The following GNG7 variants were observed in gnomAD, a reference collection of about 807,000 sequenced individuals.
GNG7 encodes the protein guanine nucleotide-binding protein G(I)/G(S)/G(O) subunit gamma-7.
A neutral mutation model predicts 4.0 loss-of-function variants in GNG7; 1 was observed. The ratio of observed to expected loss-of-function variants is 0.25; its 90% confidence interval spans 0.09 to 1.18. The LOEUF is 1.18. Ranked by LOEUF, GNG7 falls within the 50% of genes most tolerant of loss-of-function variation. The pLI, the probability that GNG7 is intolerant of heterozygous loss-of-function variation, is 0.50. For missense variants in GNG7, 86 were observed against 91.9 expected, an observed-to-expected ratio of 0.94 and a Z score of 0.26; for synonymous variants, 34 against 36.9, an observed-to-expected ratio of 0.92 and a Z score of 0.29.
At chr19:2,578,049 G>T (rs113911382) in intron 2 of GNG7, among the ~76,000 whole-genome samples, 13 of 151,910 alleles carry the variant, frequency 8.6e-5, no homozygotes, top group African/African-American at 3.1e-4. Flanking sequence ...TGTTGCCCAG[G>T]CTGGTCTTGA....
intron 2 of GNG7, among the ~76,000 whole-genome samples, chr19:2,568,034 T>TGCACACAC (rs1460688364): frequency 6.6e-6 from 1 of 152,004 alleles, no homozygotes; most frequent in Admixed American, 6.6e-5. Flanking sequence ...CAAGCACACA[T>TGCACACAC]GCACACACGT....
chr19:2,582,288 G>A (rs1980524952), intron 2 of GNG7, among the ~76,000 whole-genome samples: 2 of 152,158 alleles, frequency 1.3e-5, no homozygotes, highest in South Asian at 4.1e-4. Context: ...GATGAAAGGT[G>A]TAAGGGAACA....
chr19:2,587,860 A>AGG, intron 2 of GNG7, among the ~76,000 whole-genome samples: 1 of 129,724 alleles, frequency 7.7e-6, no homozygotes, highest in South Asian at 2.7e-4. Flanking sequence ...AGAGAGAAAG[A>AGG]GAGAAGGAAG....
At chr19:2,561,796 G>A (rs1436770505) in intron 2 of GNG7, among the ~76,000 whole-genome samples, 3 of 151,760 alleles carry the variant, frequency 2.0e-5, no homozygotes, top group Admixed American at 6.6e-5. Context: ...CAGGAGAATC[G>A]CTTGAACCTG....
intron 2 of GNG7, among the ~76,000 whole-genome samples, chr19:2,604,509 A>G (rs1981314634): frequency 7.6e-6 from 1 of 132,020 alleles, no homozygotes. Flanking sequence ...GGAAGGAAGG[A>G]AGCGAGGGAG....
At chr19:2,596,907 G>C (rs553759552) in intron 2 of GNG7, among the ~76,000 whole-genome samples, 5 of 151,998 alleles carry the variant, frequency 3.3e-5, no homozygotes, top group African/African-American at 1.2e-4. Flanking sequence ...TTTTTTTATG[G>C]ATTAAGCCCA....
intron 2 of GNG7, among the ~76,000 whole-genome samples, chr19:2,603,498 A>C (rs1057195368): frequency 3.9e-5 from 6 of 152,170 alleles, no homozygotes; most frequent in Admixed American, 1.3e-4. Flanking sequence ...GGGGCTGAAA[A>C]TTCCAAGCAG....
At chr19:2,530,268 C>T (rs1472948437) in intron 3 of GNG7, among the ~76,000 whole-genome samples, 1 of 150,944 alleles carries the variant, frequency 6.6e-6, no homozygotes, top group African/African-American at 2.4e-5. Context: ...CAAAAATTAG[C>T]TGGGCATGGT....
At chr19:2,570,647 C>G (rs1980117443) in intron 2 of GNG7, among the ~76,000 whole-genome samples, 2 of 152,154 alleles carry the variant, frequency 1.3e-5, no homozygotes, top group African/African-American at 4.8e-5. Flanking sequence ...GACAGACAGC[C>G]CAGGAGCCAA....
At chr19:2,682,585 C>T (rs1428711420) in intron 1 of GNG7, among the ~76,000 whole-genome samples, 1 of 149,214 alleles carries the variant, frequency 6.7e-6, no homozygotes, top group Non-Finnish European at 1.5e-5. Context: ...ATCACTTGAA[C>T]CCGGGAGACG....
intron 3 of GNG7, among the ~76,000 whole-genome samples, chr19:2,540,110 CTTT>C (rs1174093773): frequency 3.1e-4 from 37 of 118,584 alleles, no homozygotes; most frequent in African/African-American, 1.2e-3. Flanking sequence ...CAATTTCTTT[CTTT>C]TCTTTTCTCC....
chr19:2,646,253 C>T lies in GNG7; in HGVS notation c.-107G>A, dbSNP rs1445137633. On this transcript the variant is annotated 5_prime_UTR_variant, in exon 2 of 5. The change creates a new upstream start codon in the 5' untranslated region. Transcript: ENST00000382159. ...GCAGGAGGTCTCGCCGTCTGCAGCA[C>T]CGAGATCCCGAAACCAAGCTCCACT... 6.6e-6 allele frequency: 1 copy of T among 152,194 alleles called. No individual in the cohort carries two copies. Among genetic ancestry groups the T allele is most frequent in the East Asian group, 1.9e-4 (1 of 5,196 alleles). The allele number at this position is 152,194 out of a possible 1,614,324, so 9.4% of individuals were successfully genotyped here. A position where few individuals can be genotyped will look rare whatever the true frequency, so the allele number is the denominator to read the frequency against.
At position 2,621,496 on chromosome 19, in the gene GNG7, G is replaced by A. The variant is rs536455596; in HGVS notation, c.-78+24728C>T. ...GCAGATCACCTGAGATAAGGAGTTCGAGACCAGCCTGACCAACATGGACAA... is the reference window on the plus strand; with the variant it reads ...GCAGATCACCTGAGATAAGGAGTTCAAGACCAGCCTGACCAACATGGACAA... On this transcript the variant is annotated intron_variant, in intron 2 of 4. Transcript: ENST00000382159. 3.8e-4 allele frequency among the ~76,000 whole-genome samples: 58 copies of A among 151,954 alleles called. 1 individual carries two copies. Among genetic ancestry groups the A allele is most frequent in the Non-Finnish European group, 1.2e-4 (8 of 68,008 alleles).
chr19:2,616,737 G>A (rs970142600), intron 2 of GNG7, among the ~76,000 whole-genome samples: 1 of 151,844 alleles, frequency 6.6e-6, no homozygotes, highest in Non-Finnish European at 1.5e-5. Context: ...CCGAGATCAC[G>A]CCATCGCACT....
intron 2 of GNG7, among the ~76,000 whole-genome samples, chr19:2,629,881 A>G (rs1324053248): frequency 2.0e-5 from 3 of 152,210 alleles, no homozygotes; most frequent in African/African-American, 7.2e-5. Context: ...ACATGGTGCC[A>G]GGGTCCATTT....
intron 3 of GNG7, chr19:2,538,312 G>C (rs1470100011): frequency 2.2e-6 from 1 of 456,150 alleles, no homozygotes; most frequent in Admixed American, 2.4e-5. Flanking sequence ...ATCCCTCCAC[G>C]ATGCTATCCA....
In GNG7 at chr19:2,598,613, C is replaced by T. The variant is rs938565972; in HGVS notation, c.-77-43425G>A. On this transcript the variant is annotated intron_variant, in intron 2 of 4. Coordinates refer to ENST00000382159, the MANE Select transcript of GNG7 (RefSeq NM_052847.3). ...CAGAGCTTGCAGTGAGCTGAGATCG[C>T]GCCACTGCACTCCAGCCTGAGCGAC... Among the ~76,000 whole-genome samples, 8 of 151,282 alleles carry T rather than the reference C, an allele frequency of 5.3e-5. No individual in the cohort carries two copies. The South Asian group carries it at 8.3e-4, about 16-fold the overall frequency.
At chr19:2,602,625 A>ACGCAAT (rs1201604650) in intron 2 of GNG7, among the ~76,000 whole-genome samples, 1 of 152,216 alleles carries the variant, frequency 6.6e-6, no homozygotes, top group Non-Finnish European at 1.5e-5. Flanking sequence ...ACGAACCACT[A>ACGCAAT]CGCAATCGTC....
chr19:2,529,920 A>G (rs1019562732), intron 3 of GNG7, among the ~76,000 whole-genome samples: 2 of 152,184 alleles, frequency 1.3e-5, no homozygotes, highest in Non-Finnish European at 2.9e-5. Flanking sequence ...CTGGAAGATG[A>G]GAGGGCTCCT....
Sources: gnomAD v4.1 joint callset for allele counts (sites outside exome capture counted in the v4.1 genomes callset) on GRCh38, gnomAD v4.1.1 for gene constraint, MANE v1.5 for transcripts, NCBI Gene and HGNC (gene_info 2026-07-23, HGNC 2026-07-21) for gene names.